NAV2: variants seen among roughly 807,000 people sequenced by gnomAD.
NAV2 encodes helicase, APC down-regulated 1.
Under a neutral mutation model 223.2 loss-of-function variants are expected in NAV2, and 54 were observed. That is an observed-to-expected ratio of 0.24 (90% CI 0.19 to 0.30). The LOEUF (loss-of-function observed/expected upper bound fraction) is 0.30. Among genes scored for constraint, NAV2 ranks in the 10% least tolerant of loss-of-function variants. The pLI is 1.00. For missense variants in NAV2, 2,806 were observed against 3,147.5 expected (o/e 0.89, Z 2.60); for synonymous variants, 1,279 against 1,239.3 (o/e 1.03, Z -0.67).
intron 1 of NAV2, among the ~76,000 whole-genome samples, chr11:19,653,358 G>A (rs1249088292): frequency 6.6e-6 from 1 of 152,360 alleles, no homozygotes; most frequent in African/African-American, 2.4e-5. Flanking sequence ...GCATAGGCAA[G>A]CTTCAGAGGG....
intron 6 of NAV2, among the ~76,000 whole-genome samples, chr11:19,903,292 C>G (rs532516274): frequency 1.7e-3 from 259 of 152,258 alleles, no homozygotes; most frequent in African/African-American, 5.9e-3. Flanking sequence ...GTGTCACACC[C>G]TGTGGACGAA....
chr11:19,370,138 C>T (rs1848423579), intron 1 of NAV2, among the ~76,000 whole-genome samples: 2 of 152,208 alleles, frequency 1.3e-5, no homozygotes, highest in South Asian at 4.1e-4. Context: ...TTTCATTGGC[C>T]TGTTGCCCAC....
chr11:19,379,671 T>C (rs1554913284), intron 1 of NAV2, among the ~76,000 whole-genome samples: 5 of 152,200 alleles, frequency 3.3e-5, no homozygotes, highest in Non-Finnish European at 7.3e-5. Context: ...GTTGTGGCTC[T>C]GGTGAGCTGA....
At chr11:19,743,454 A>G (rs2053037147) in intron 1 of NAV2, among the ~76,000 whole-genome samples, 1 of 152,186 alleles carries the variant, frequency 6.6e-6, no homozygotes, top group Admixed American at 6.5e-5. Context: ...CCGTGCTGTG[A>G]GTTCCTGGTG....
chr11:19,465,167 C>G (rs554006682), intron 1 of NAV2, among the ~76,000 whole-genome samples: 2 of 152,272 alleles, frequency 1.3e-5, no homozygotes, highest in East Asian at 3.9e-4. Context: ...GGGTCACTTT[C>G]CACTTTCCTT....
intron 6 of NAV2, among the ~76,000 whole-genome samples, chr11:19,925,600 T>G (rs924170881): frequency 3.3e-5 from 5 of 152,134 alleles, no homozygotes; most frequent in Admixed American, 2.6e-4. Context: ...AATACAAAAA[T>G]TAGCCGAGCG....
rs535297791 is a variant in NAV2, at chr11:19,362,547, T to C, written c.75+11520T>C. On this transcript the variant is annotated intron_variant, in intron 1 of 37. Coordinates refer to the NAV2 transcript ENST00000360655. Reference sequence around the variant, plus strand: ...ACCACCAGGAGTACACAGACCTGTTTGGAAAGCACTGCTCTGTAGCATAAA... The same window carrying C: ...ACCACCAGGAGTACACAGACCTGTTCGGAAAGCACTGCTCTGTAGCATAAA... Among the ~76,000 whole-genome samples, 3 of 152,292 alleles carry C rather than the reference T, an allele frequency of 2.0e-5. No individual in the cohort carries two copies. In the East Asian group the frequency reaches 5.8e-4, roughly 29 times the overall value.
chr11:20,062,161 C>T (rs771872972), intron 19 of NAV2, 146 bp from the exon 20 acceptor site: 21 of 534,958 alleles, frequency 3.9e-5, no homozygotes, highest in African/African-American at 7.7e-5. Context: ...ACTGACCTAT[C>T]GCCAAACCAG....
chr11:19,813,688 G>T (rs2058952301), intron 1 of NAV2, among the ~76,000 whole-genome samples: 1 of 152,160 alleles, frequency 6.6e-6, no homozygotes, highest in Non-Finnish European at 1.5e-5. Context: ...AACCTTGGAG[G>T]CTTCACACGC....
intron 1 of NAV2, among the ~76,000 whole-genome samples, chr11:19,603,374 TCC>T (rs1303857241): frequency 6.6e-6 from 1 of 151,992 alleles, no homozygotes; most frequent in Non-Finnish European, 1.5e-5. Context: ...ATGTTTGTAA[TCC>T]CAGCACTTTG....
chr11:19,462,758 A>G (rs1166105406), intron 1 of NAV2, among the ~76,000 whole-genome samples: 1 of 152,090 alleles, frequency 6.6e-6, no homozygotes, highest in Non-Finnish European at 1.5e-5. Context: ...GAGACTCCCA[A>G]CCTCACTCTG....
intron 1 of NAV2, among the ~76,000 whole-genome samples, chr11:19,753,777 T>A (rs1229565881): frequency 6.6e-6 from 1 of 152,226 alleles, no homozygotes; most frequent in Non-Finnish European, 1.5e-5. Context: ...CAAATTGAAT[T>A]ATTTCCTCAT....
chr11:19,964,809 C>CT (rs71050695), intron 10 of NAV2, among the ~76,000 whole-genome samples: 831 of 57,516 alleles, frequency 0.014, 242 homozygotes, highest in African/African-American at 0.048. Context: ...CCTCATTCTA[C>CT]TTTTTTTTTT....
intron 1 of NAV2, among the ~76,000 whole-genome samples, chr11:19,452,488 T>A (rs1648637593): frequency 6.6e-6 from 1 of 152,134 alleles, no homozygotes; most frequent in African/African-American, 2.4e-5. Flanking sequence ...GGGTGAGAAA[T>A]CCTCCTCTCT....
At chr11:19,551,365 G>A (rs1160234938) in intron 1 of NAV2, among the ~76,000 whole-genome samples, 1 of 152,234 alleles carries the variant, frequency 6.6e-6, no homozygotes, top group Non-Finnish European at 1.5e-5. Flanking sequence ...GTGAGGAGGG[G>A]ATCTGCAGAT....
At chr11:19,919,992 G>A (rs188695879) in intron 6 of NAV2, among the ~76,000 whole-genome samples, 244 of 152,078 alleles carry the variant, frequency 1.6e-3, no homozygotes, top group Non-Finnish European at 2.9e-3. Context: ...AAAATTAGCC[G>A]GGCATGGTAG....
At chr11:19,559,669 G>A (rs1210003860) in intron 1 of NAV2, among the ~76,000 whole-genome samples, 1 of 152,190 alleles carries the variant, frequency 6.6e-6, no homozygotes, top group Non-Finnish European at 1.5e-5. Context: ...CCATTTTCAA[G>A]TCTTCAAGAA....
At chr11:19,368,076 A>G (rs1848349740) in intron 1 of NAV2, among the ~76,000 whole-genome samples, 1 of 152,254 alleles carries the variant, frequency 6.6e-6, no homozygotes, top group South Asian at 2.1e-4. Flanking sequence ...CTGATGGAGC[A>G]TCAACAAGTA....
intron 6 of NAV2, among the ~76,000 whole-genome samples, chr11:19,914,350 C>T (rs1036810277): frequency 3.9e-5 from 6 of 152,184 alleles, no homozygotes; most frequent in South Asian, 4.1e-4. Flanking sequence ...GAAATACTTG[C>T]ACTTACAGGT....
Sources: gnomAD v4.1 joint callset for allele counts (sites outside exome capture counted in the v4.1 genomes callset) on GRCh38, gnomAD v4.1.1 for gene constraint, MANE v1.5 for transcripts, NCBI Gene and HGNC (gene_info 2026-07-23, HGNC 2026-07-21) for gene names.